Variants in LOC400499 observed in about 807,000 individuals in gnomAD.
the LOC400499 span, among the ~76,000 whole-genome samples, chr16:11,499,678 T>C: frequency 6.6e-6 from 1 of 152,018 alleles, no homozygotes; most frequent in Non-Finnish European, 1.5e-5. Context: ...CCTGGTAGGG[T>C]CCATTCTACC....
At chr16:11,482,532 T>C in the LOC400499 span, among the ~76,000 whole-genome samples, 3 of 152,174 alleles carry the variant, frequency 2.0e-5, no homozygotes, top group Non-Finnish European at 4.4e-5. Context: ...GAAGACACCA[T>C]TGAGAGAACA....
the LOC400499 span, chr16:11,387,385 G>A: frequency 3.8e-6 from 4 of 1,065,134 alleles, no homozygotes; most frequent in Admixed American, 4.3e-5. Context: ...TGCAGGAAGA[G>A]CTCTGCAGTG....
At chr16:11,447,046 T>C in the LOC400499 span, 5 of 1,037,860 alleles carry the variant, frequency 4.8e-6, no homozygotes, top group African/African-American at 1.6e-5. Context: ...GAAGAGAACA[T>C]CAGGACACCT....
the LOC400499 span, chr16:11,446,599 A>G: frequency 1.3e-6 from 2 of 1,535,962 alleles, no homozygotes; most frequent in African/African-American, 2.7e-5. Context: ...CCTGGGGATG[A>G]CTTTGCCATC....
chr16:11,402,138 G>A, the LOC400499 span: 2 of 399,128 alleles, frequency 5.0e-6, no homozygotes, highest in Admixed American at 4.4e-5. Context: ...AGGGGGAGGG[G>A]CAGCGGGTGG....
the LOC400499 span, chr16:11,414,456 G>A: frequency 1.5e-5 from 6 of 400,302 alleles, no homozygotes; most frequent in South Asian, 1.3e-4. Context: ...CCAGGTCCAT[G>A]CTGACTCCAC....
At chr16:11,446,737 G>A in the LOC400499 span, 1 of 1,535,314 alleles carries the variant, frequency 6.5e-7, no homozygotes. Flanking sequence ...CTATGCCCCA[G>A]ACACACTCAC....
chr16:11,381,408 G>C, the LOC400499 span, among the ~76,000 whole-genome samples: 3 of 151,690 alleles, frequency 2.0e-5, no homozygotes, highest in Admixed American at 2.0e-4. Flanking sequence ...CCCTACTTTT[G>C]AGCTTTGAGT....
chr16:11,408,360 A>G, the LOC400499 span, among the ~76,000 whole-genome samples: 1 of 152,016 alleles, frequency 6.6e-6, no homozygotes, highest in Admixed American at 6.6e-5. Flanking sequence ...TTCAGCCTGA[A>G]TCTTATCTTC....
chr16:11,454,920 C>T, the LOC400499 span, among the ~76,000 whole-genome samples: 1 of 152,156 alleles, frequency 6.6e-6, no homozygotes, highest in South Asian at 2.1e-4. Context: ...AGAACCACAG[C>T]TGTGCAACTG....
At chr16:11,525,003 G>T in the LOC400499 span, among the ~76,000 whole-genome samples, 1 of 152,208 alleles carries the variant, frequency 6.6e-6, no homozygotes, top group Non-Finnish European at 1.5e-5. Context: ...AACACATTGT[G>T]CCTGGGTACG....
chr16:11,414,235 G>C, the LOC400499 span: 2 of 398,622 alleles, frequency 5.0e-6, no homozygotes, highest in Admixed American at 4.4e-5. Flanking sequence ...GGAAACCCAA[G>C]GCCTGGTCCT....
the LOC400499 span, among the ~76,000 whole-genome samples, chr16:11,468,483 C>A: frequency 6.6e-6 from 1 of 152,132 alleles, no homozygotes; most frequent in Non-Finnish European, 1.5e-5. Flanking sequence ...AACTCTGTGC[C>A]TGGTTAACAT....
At chr16:11,393,633 G>C in the LOC400499 span, 1 of 1,186,300 alleles carries the variant, frequency 8.4e-7, no homozygotes, top group Non-Finnish European at 1.1e-6. Context: ...CCCGCCCCAG[G>C]CTCAGGAAGA....
At chr16:11,446,760 G>A in the LOC400499 span, 221 of 1,535,880 alleles carry the variant, frequency 1.4e-4, no homozygotes, top group African/African-American at 2.5e-4. Flanking sequence ...AGGGGTGTCC[G>A]GCCTGGCAGC....
the LOC400499 span, among the ~76,000 whole-genome samples, chr16:11,381,597 A>G: frequency 6.6e-6 from 1 of 152,220 alleles, no homozygotes; most frequent in Non-Finnish European, 1.5e-5. Flanking sequence ...GCAGCCATAG[A>G]CTACGTAAAT....
chr16:11,511,964 A>G, the LOC400499 span, among the ~76,000 whole-genome samples: 1 of 152,150 alleles, frequency 6.6e-6, no homozygotes. Flanking sequence ...GTACCATTGC[A>G]TTCCAGCCTG....
At chr16:11,473,572 T>G in the LOC400499 span, among the ~76,000 whole-genome samples, 1 of 152,076 alleles carries the variant, frequency 6.6e-6, no homozygotes, top group African/African-American at 2.4e-5. Flanking sequence ...CTGGCCAATG[T>G]GGTAAAACCC....
the LOC400499 span, among the ~76,000 whole-genome samples, chr16:11,497,515 A>T: frequency 2.6e-5 from 4 of 152,230 alleles, no homozygotes; most frequent in African/African-American, 9.6e-5. Context: ...CGGCGGGGGC[A>T]CAGACAGGGC....
Sources: gnomAD v4.1 joint callset for allele counts (sites outside exome capture counted in the v4.1 genomes callset) on GRCh38, gnomAD v4.1.1 for gene constraint, MANE v1.5 for transcripts.